The following RPL12 variants were observed in gnomAD, a reference collection of about 807,000 sequenced individuals.
RPL12 encodes the protein ribosomal protein L12, also known as large ribosomal subunit protein uL11.
Under a neutral mutation model 24.5 loss-of-function variants are expected in RPL12, and 10 were observed. The observed-to-expected ratio is 0.41, with a 90% CI of 0.25 to 0.69. The LOEUF is 0.69. Among genes scored for constraint, RPL12 ranks in the 30% least tolerant of loss-of-function variants. The pLI is 0.33. For synonymous variants in RPL12, 74 were observed against 76.1 expected (o/e 0.97, Z 0.14); for missense variants, 137 against 205.3 (o/e 0.67, Z 2.03).
At chr9:127,451,012 C>G (rs1356541135) in intron 1 of RPL12, 1 of 646,820 alleles carries the variant, frequency 1.5e-6, no homozygotes, top group East Asian at 2.9e-5. Context: ...CCCGCTAACC[C>G]AGGCCAATGG....
chr9:127,448,495 T>TTCAACAGTCC (rs1292530928), intron 4 of RPL12, 72 bp from the exon 5 acceptor site: 6 of 990,392 alleles, frequency 6.1e-6, no homozygotes, highest in Non-Finnish European at 9.8e-6. Context: ...CTTCATTTCA[T>TTCAACAGTCC]TTCTAGGCTG....
At chr9:127,449,531 GAA>G in intron 3 of RPL12, 77 bp downstream of exon 3, 5 of 1,421,054 alleles carry the variant, frequency 3.5e-6, no homozygotes, top group Non-Finnish European at 4.9e-6. Context: ...ACTGGTGGCA[GAA>G]ATACTCTTCA....
At chr9:127,448,882 G>A (rs1834219672) in intron 4 of RPL12, among the ~76,000 whole-genome samples, 1 of 150,338 alleles carries the variant, frequency 6.7e-6, no homozygotes, top group Non-Finnish European at 1.5e-5. Context: ...AGGCTGGAGT[G>A]CAGTGGCACA....
At chr9:127,449,802 T>C (rs1454486954) in intron 2 of RPL12, 94 bp from the exon 3 acceptor site, 4 of 931,362 alleles carry the variant, frequency 4.3e-6, no homozygotes, top group South Asian at 1.3e-5. Context: ...CAAAGGAAGC[T>C]ATCTCAAGTA....
intron 3 of RPL12, 123 bp from the exon 4 acceptor site, chr9:127,449,485 G>A: frequency 1.5e-6 from 2 of 1,292,346 alleles, no homozygotes; most frequent in Non-Finnish European, 2.2e-6. Context: ...TCTTGACAAA[G>A]CCTCCCCAAC....
chr9:127,449,456 C>A, intron 3 of RPL12, 94 bp from the exon 4 acceptor site: 1 of 1,367,730 alleles, frequency 7.3e-7, no homozygotes, highest in South Asian at 1.2e-5. Context: ...CTGTCCAAGT[C>A]TTTGCCCTAG....
intron 1 of RPL12, 173 bp from the exon 2 acceptor site, chr9:127,450,977 G>C: frequency 3.1e-6 from 2 of 650,446 alleles, no homozygotes; most frequent in South Asian, 4.1e-5. Flanking sequence ...ACTCACACCG[G>C]GGAGGCGTGG....
At position 127,451,136 on chromosome 9, in the gene RPL12, C is replaced by T. The variant is rs188658169; in HGVS notation, c.37+145G>A. On this transcript the variant is annotated intron_variant, in intron 1 of 6. Coordinates refer to ENST00000361436, the MANE Select transcript of RPL12 (RefSeq NM_000976.4). ...GTGAAGAAGCTAAGGCCCAGAAAGG[C>T]TGAGGCTTGGCCGGGGCGGCGCAAC... 507 of 1,135,742 alleles carry T rather than the reference C, an allele frequency of 4.5e-4. 6 individuals are homozygous for T. The East Asian group carries it at 9.4e-3, about 21-fold the overall frequency. The allele number at this position is 1,135,742 out of a possible 1,614,324, so 70.4% of individuals were successfully genotyped here.
At chr9:127,448,931 G>A (rs1834220441) in intron 4 of RPL12, among the ~76,000 whole-genome samples, 1 of 151,582 alleles carries the variant, frequency 6.6e-6, no homozygotes, top group Non-Finnish European at 1.5e-5. Flanking sequence ...TCCTGGGTTC[G>A]AGTGATTCTC....
chr9:127,448,265 G>C, intron 5 of RPL12, 72 bp downstream of exon 5: 1 of 1,279,528 alleles, frequency 7.8e-7, no homozygotes, highest in Non-Finnish European at 1.1e-6. Context: ...CACCCTTCAA[G>C]TAAGAAGAAT....
intron 5 of RPL12, 107 bp downstream of exon 5, chr9:127,448,230 G>T: frequency 1.9e-6 from 2 of 1,050,646 alleles, no homozygotes; most frequent in Non-Finnish European, 2.9e-6. Flanking sequence ...CCAGAAAACT[G>T]CACCCCATCT....
chr9:127,448,264 A>C, intron 5 of RPL12, 73 bp downstream of exon 5: 2 of 1,269,810 alleles, frequency 1.6e-6, no homozygotes, highest in Non-Finnish European at 2.3e-6. Flanking sequence ...GCACCCTTCA[A>C]GTAAGAAGAA....
rs772421811 is a variant in RPL12, at chr9:127,449,261, C to G, written c.292+20G>C. The G allele has an allele frequency of 1.5e-5, 24 of 1,605,848 alleles. No homozygotes were observed. The South Asian group carries it at 2.3e-4, about 15-fold the overall frequency. ...CTCACAAACCATTACCAAAACCAAA[C>G]TAGGGAAAAGACAACTTACTGTTTT... On this transcript the variant is annotated intron_variant, in intron 4 of 6. Transcript: ENST00000361436.
At chr9:127,448,743 T>C (rs1834217274) in intron 4 of RPL12, 3 of 488,110 alleles carry the variant, frequency 6.1e-6, no homozygotes, top group Non-Finnish European at 1.2e-5. Context: ...GCCACCTGTA[T>C]GTGGTCTCCT....
At position 127,447,986 on chromosome 9, in the gene RPL12, G is replaced by C; in HGVS notation, c.383C>G (p.Thr128Ser). Residue 128 changes from threonine to serine, a missense_variant, in exon 6 of 7, where the codon ACC becomes AGC. Coordinates refer to ENST00000361436, the MANE Select transcript of RPL12 (RefSeq NM_000976.4). The stretch of plus-strand genomic sequence containing the variant: ...GGCAGTCCCCAGGATCTCTTTAATG[G>C]TTCCTTTAAGTAAAGAAATGGTGGC... The part of the protein sequence containing the change: ...HRSLARELSG[T>S]IKEILGTAQS... The C allele has an allele frequency of 1.2e-6, 2 of 1,602,278 alleles. No individual in the cohort carries two copies. Among genetic ancestry groups the C allele is most frequent in the South Asian group, 1.1e-5 (1 of 88,770 alleles).
chr9:127,447,859 A>C lies in RPL12; in HGVS notation c.492+18T>G. The C allele has an allele frequency of 6.2e-7, 1 of 1,610,630 alleles. No individual in the cohort carries two copies. Among genetic ancestry groups the C allele is most frequent in the Non-Finnish European group, 8.5e-7 (1 of 1,178,472 alleles). Reference sequence around the variant, plus strand: ...GCCCCCCTTTCACCCCTACTGTAACAATGAAAATGTCACTTACGGCTGGGC... The same window carrying C: ...GCCCCCCTTTCACCCCTACTGTAACCATGAAAATGTCACTTACGGCTGGGC... On this transcript the variant is annotated intron_variant, in intron 6 of 6. Coordinates refer to ENST00000361436, the MANE Select transcript of RPL12 (RefSeq NM_000976.4).
intron 4 of RPL12, 50 bp downstream of exon 4, chr9:127,449,231 A>C (rs1367252402): frequency 6.7e-7 from 1 of 1,486,454 alleles, no homozygotes; most frequent in Admixed American, 1.8e-5. Flanking sequence ...ACATATATCA[A>C]ACATCTCACA....
intron 4 of RPL12, 166 bp downstream of exon 4, chr9:127,449,115 C>G: frequency 1.7e-6 from 1 of 579,100 alleles, no homozygotes; most frequent in Admixed American, 2.9e-5. Context: ...GTGAGCCACC[C>G]AGCATACGTG....
chr9:127,448,307 T>C, intron 5 of RPL12, 30 bp downstream of exon 5: 1 of 1,529,002 alleles, frequency 6.5e-7, no homozygotes, highest in Non-Finnish European at 9.1e-7. Context: ...CAACTACAGT[T>C]ATGGCGGTTA....
Sources: gnomAD v4.1 joint callset for allele counts (sites outside exome capture counted in the v4.1 genomes callset) on GRCh38, gnomAD v4.1.1 for gene constraint, MANE v1.5 for transcripts, NCBI Gene and HGNC (gene_info 2026-07-23, HGNC 2026-07-21) for gene names.